Variants in OTUD7A observed in about 807,000 individuals in gnomAD.
OTUD7A encodes the protein OTU deubiquitinase 7A.
Under a neutral mutation model 65.7 loss-of-function variants are expected in OTUD7A, and 12 were observed. The ratio of observed to expected loss-of-function variants is 0.18; its 90% CI spans 0.12 to 0.30. The LOEUF is 0.30. Ranked by LOEUF, OTUD7A falls within the 10% of genes least tolerant of loss-of-function variation. The pLI is 1.00. For missense variants in OTUD7A, 1,148 were observed against 1,304.8 expected (o/e 0.88, Z 1.85); for synonymous variants, 641 against 586.3 (o/e 1.09, Z -1.35).
At chr15:31,576,660 G>C (rs563963889) in intron 3 of OTUD7A, among the ~76,000 whole-genome samples, 1 of 152,156 alleles carries the variant, frequency 6.6e-6, no homozygotes, top group East Asian at 1.9e-4. Context: ...CTATGTCATG[G>C]ACCATTGGTC....
intron 1 of OTUD7A, among the ~76,000 whole-genome samples, chr15:31,817,820 A>C (rs1222747454): frequency 6.6e-6 from 1 of 152,220 alleles, no homozygotes; most frequent in East Asian, 1.9e-4. Context: ...CAAGTTGTAC[A>C]CAGAGGCACT....
Position 31,548,305 on chromosome 15 carries a change from G to A in OTUD7A, c.550+10664C>T, listed in dbSNP as rs151169597. Among the ~76,000 whole-genome samples, 116 of 150,868 alleles carry A rather than the reference G, an allele frequency of 7.7e-4. 1 individual carries two copies. The East Asian group carries it at 0.018, about 23-fold the overall frequency. ...GTGTCCCTCTAGAATTGTGTAACTCGGCTGCTGGCTTTCTACTTGGCCTCT... is the reference window on the plus strand; with the variant it reads ...GTGTCCCTCTAGAATTGTGTAACTCAGCTGCTGGCTTTCTACTTGGCCTCT... On this transcript the variant is annotated intron_variant, in intron 5 of 12. Transcript: ENST00000307050.
rs1452887650 is a variant in OTUD7A at position 31,737,887 on chromosome 15, T to C, written c.-99-80810A>G. Among the ~76,000 whole-genome samples, 3 of 152,334 alleles carry C rather than the reference T, an allele frequency of 2.0e-5. No homozygotes were observed. The South Asian group carries it at 6.2e-4, about 32-fold the overall frequency. ...GAATCATATGTATTGTAGGGAATCA[T>C]GGACAGTCACTGGTTGTAAAAAAGT... On this transcript the variant is annotated intron_variant, in intron 1 of 12. Coordinates refer to ENST00000307050, the MANE Select transcript of OTUD7A (RefSeq NM_001382637.1).
chr15:31,780,683 A>C (rs931553208), intron 1 of OTUD7A, among the ~76,000 whole-genome samples: 9 of 152,252 alleles, frequency 5.9e-5, no homozygotes, highest in Admixed American at 2.0e-4. Flanking sequence ...CTTTAATAAG[A>C]TCAAGAAGCA....
chr15:31,590,343 A>G (rs891925872), intron 3 of OTUD7A, among the ~76,000 whole-genome samples: 1 of 152,238 alleles, frequency 6.6e-6, no homozygotes, highest in Non-Finnish European at 1.5e-5. Context: ...CACATGTCTC[A>G]TAAGGTATTT....
intron 1 of OTUD7A, among the ~76,000 whole-genome samples, chr15:31,721,001 T>C (rs1893722334): frequency 1.3e-5 from 2 of 152,142 alleles, no homozygotes; most frequent in Non-Finnish European, 2.9e-5. Context: ...AGCAACATTC[T>C]GTACAGGTTT....
intron 5 of OTUD7A, among the ~76,000 whole-genome samples, chr15:31,551,566 G>C (rs1888325221): frequency 6.6e-6 from 1 of 152,142 alleles, no homozygotes; most frequent in Non-Finnish European, 1.5e-5. Context: ...CGTGATAATG[G>C]GACCAATTAA....
chr15:31,630,465 T>C (rs966622848), intron 3 of OTUD7A, among the ~76,000 whole-genome samples: 1 of 152,246 alleles, frequency 6.6e-6, no homozygotes, highest in Non-Finnish European at 1.5e-5. Context: ...GACAGTTTGT[T>C]ATAATTTCTG....
chr15:31,609,366 G>C (rs910319022), intron 3 of OTUD7A, among the ~76,000 whole-genome samples: 4 of 152,140 alleles, frequency 2.6e-5, no homozygotes, highest in African/African-American at 9.7e-5. Flanking sequence ...AACAAACTTG[G>C]TGCCGTTAGC....
At chr15:31,590,375 C>A (rs1403848823) in intron 3 of OTUD7A, among the ~76,000 whole-genome samples, 8 of 152,020 alleles carry the variant, frequency 5.3e-5, no homozygotes, top group Non-Finnish European at 1.2e-4. Context: ...TGATGAATGA[C>A]TATATATGTG....
intron 8 of OTUD7A, among the ~76,000 whole-genome samples, chr15:31,513,318 C>G (rs1188253146): frequency 1.3e-5 from 2 of 152,246 alleles, no homozygotes; most frequent in African/African-American, 4.8e-5. Context: ...CTGGAAAGTT[C>G]TTGCTCATTT....
intron 1 of OTUD7A, among the ~76,000 whole-genome samples, chr15:31,859,923 G>A (rs906134433): frequency 3.3e-5 from 5 of 152,176 alleles, no homozygotes; most frequent in Non-Finnish European, 5.9e-5. Flanking sequence ...CCTTTCTGGG[G>A]AGATATTAAG....
chr15:31,499,308 G>A (rs546905470), intron 10 of OTUD7A, among the ~76,000 whole-genome samples: 28 of 152,276 alleles, frequency 1.8e-4, no homozygotes, highest in Admixed American at 3.3e-4. Flanking sequence ...CTGTTTATAG[G>A]ACGGACAGGG....
At chr15:31,655,354 C>T (rs562631864) in intron 2 of OTUD7A, 104 bp from the exon 3 acceptor site, 1 of 569,112 alleles carries the variant, frequency 1.8e-6, no homozygotes, top group African/African-American at 2.0e-5. Flanking sequence ...GAGGGTGGAG[C>T]CATTTCCACC....
intron 1 of OTUD7A, among the ~76,000 whole-genome samples, chr15:31,804,042 G>A (rs955332669): frequency 6.6e-6 from 1 of 152,166 alleles, no homozygotes; most frequent in Admixed American, 6.5e-5. Flanking sequence ...TGACAGGGGG[G>A]ATGAAACAAA....
intron 1 of OTUD7A, among the ~76,000 whole-genome samples, chr15:31,846,044 G>A (rs1363085908): frequency 6.6e-6 from 1 of 152,234 alleles, no homozygotes; most frequent in Non-Finnish European, 1.5e-5. Context: ...GGCTGGCTCT[G>A]CCCCTCTGCT....
chr15:31,566,322 AAAAG>A (rs1888873895), intron 4 of OTUD7A, among the ~76,000 whole-genome samples: 1 of 152,240 alleles, frequency 6.6e-6, no homozygotes, highest in Non-Finnish European at 1.5e-5. Context: ...AAATATTCTG[AAAAG>A]AAAGTCATAA....
chr15:31,792,654 A>G (rs146069083), intron 1 of OTUD7A, among the ~76,000 whole-genome samples: 1 of 152,294 alleles, frequency 6.6e-6, no homozygotes, highest in African/African-American at 2.4e-5. Flanking sequence ...TCTCTCTCAC[A>G]GCAGACTGTT....
At chr15:31,826,801 T>A (rs1277937659) in intron 1 of OTUD7A, among the ~76,000 whole-genome samples, 1 of 152,104 alleles carries the variant, frequency 6.6e-6, no homozygotes, top group East Asian at 1.9e-4. Flanking sequence ...CCCTAAATCA[T>A]CTCTCTCAAA....
Sources: gnomAD v4.1 joint callset for allele counts (sites outside exome capture counted in the v4.1 genomes callset) on GRCh38, gnomAD v4.1.1 for gene constraint, MANE v1.5 for transcripts, NCBI Gene and HGNC (gene_info 2026-07-23, HGNC 2026-07-21) for gene names.